MARCHF3: variants seen among roughly 807,000 people sequenced by gnomAD.
The protein encoded by MARCHF3 is E3 ubiquitin-protein ligase MARCHF3.
Under a neutral mutation model 24.2 loss-of-function variants are expected in MARCHF3, and 13 were observed. That is an observed-to-expected ratio of 0.54 (90% confidence interval 0.35 to 0.85). The LOEUF (loss-of-function observed/expected upper bound fraction) is 0.85. Among genes scored for constraint, MARCHF3 ranks in the 40% least tolerant of loss-of-function variants. The pLI, the probability that MARCHF3 is intolerant of heterozygous loss-of-function variation, is 0.01. For missense variants in MARCHF3, 276 were observed against 325.0 expected (o/e 0.85, Z 1.16); for synonymous variants, 144 against 137.3 (o/e 1.05, Z -0.34).
chr5:126,872,022 A>G (rs1243782749), intron 4 of MARCHF3, among the ~76,000 whole-genome samples: 1 of 146,428 alleles, frequency 6.8e-6, no homozygotes, highest in Non-Finnish European at 1.5e-5. Flanking sequence ...AACCTCTCAT[A>G]TAATACATGA....
chr5:126,902,671 T>TGA (rs1352430250), intron 3 of MARCHF3, among the ~76,000 whole-genome samples: 1 of 152,124 alleles, frequency 6.6e-6, no homozygotes, highest in African/African-American at 2.4e-5. Context: ...TTTAATGAAG[T>TGA]GATTTTTAAT....
intron 3 of MARCHF3, among the ~76,000 whole-genome samples, chr5:126,883,782 C>A (rs971908209): frequency 7.9e-5 from 12 of 152,162 alleles, no homozygotes; most frequent in African/African-American, 2.9e-4. Flanking sequence ...GCTTAAATCC[C>A]CAAGGTAGAC....
chr5:126,938,165 C>CTTTTTTT (rs527628656), intron 1 of MARCHF3, among the ~76,000 whole-genome samples: 4 of 122,912 alleles, frequency 3.3e-5, no homozygotes, highest in South Asian at 2.7e-4. Context: ...TGATCTGATT[C>CTTTTTTT]TTTTTTTTTT....
intron 1 of MARCHF3, among the ~76,000 whole-genome samples, chr5:126,946,577 G>A (rs1750018595): frequency 6.6e-6 from 1 of 151,946 alleles, no homozygotes; most frequent in African/African-American, 2.4e-5. Context: ...TGGGAGAAGG[G>A]GTCCTACCCC....
chr5:127,022,984 G>A (rs544782499), intron 1 of MARCHF3, among the ~76,000 whole-genome samples: 8 of 152,244 alleles, frequency 5.3e-5, no homozygotes, highest in African/African-American at 1.9e-4. Flanking sequence ...GCCTCTTCAG[G>A]TAGTTAGGCT....
At chr5:126,982,472 G>A (rs1372981770) in intron 1 of MARCHF3, among the ~76,000 whole-genome samples, 6 of 152,196 alleles carry the variant, frequency 3.9e-5, no homozygotes, top group Non-Finnish European at 8.8e-5. Context: ...CACTACTGGA[G>A]GGGAAGCTGA....
intron 1 of MARCHF3, among the ~76,000 whole-genome samples, chr5:126,929,633 T>C (rs1324183896): frequency 2.0e-5 from 3 of 152,226 alleles, no homozygotes; most frequent in Non-Finnish European, 4.4e-5. Flanking sequence ...CTTCAGAGTA[T>C]GGAATTGGTA....
At chr5:126,944,331 C>T (rs1749937028) in intron 1 of MARCHF3, among the ~76,000 whole-genome samples, 1 of 152,134 alleles carries the variant, frequency 6.6e-6, no homozygotes. Context: ...GGCACGGTGG[C>T]TCACGCCTGT....
intron 3 of MARCHF3, among the ~76,000 whole-genome samples, chr5:126,900,194 G>C (rs944577701): frequency 1.3e-5 from 2 of 151,850 alleles, no homozygotes; most frequent in South Asian, 2.1e-4. Flanking sequence ...AAGGCTTATC[G>C]GCAAAGAAAC....
chr5:126,916,374 C>T (rs1163224041), intron 2 of MARCHF3, among the ~76,000 whole-genome samples: 1 of 152,154 alleles, frequency 6.6e-6, no homozygotes, highest in Non-Finnish European at 1.5e-5. Context: ...AGGCACATGC[C>T]CATTCATCCT....
At chr5:126,911,796 T>C (rs181318686) in intron 3 of MARCHF3, among the ~76,000 whole-genome samples, 1 of 152,208 alleles carries the variant, frequency 6.6e-6, no homozygotes, top group East Asian at 1.9e-4. Context: ...GTAGGCAAGG[T>C]AGGTAAAGTA....
chr5:126,990,563 A>G (rs1364454905), intron 1 of MARCHF3, among the ~76,000 whole-genome samples: 1 of 152,240 alleles, frequency 6.6e-6, no homozygotes, highest in Non-Finnish European at 1.5e-5. Context: ...TAATTAAACT[A>G]AAGACCTTCT....
chr5:126,923,265 G>GTGA (rs1374107781), intron 1 of MARCHF3, among the ~76,000 whole-genome samples: 2 of 152,236 alleles, frequency 1.3e-5, no homozygotes, highest in African/African-American at 4.8e-5. Context: ...AATCCAGCAT[G>GTGA]TGATAAATAC....
At chr5:126,980,559 C>T (rs191265674) in intron 1 of MARCHF3, among the ~76,000 whole-genome samples, 12 of 152,194 alleles carry the variant, frequency 7.9e-5, no homozygotes, top group African/African-American at 2.9e-4. Context: ...TTAGTAGAGA[C>T]AGGGTTTCAC....
intron 1 of MARCHF3, among the ~76,000 whole-genome samples, chr5:126,972,578 C>T (rs565737217): frequency 1.9e-4 from 29 of 152,268 alleles, no homozygotes; most frequent in African/African-American, 6.3e-4. Context: ...GGTGTTGATG[C>T]CATTCATTAA....
intron 1 of MARCHF3, among the ~76,000 whole-genome samples, chr5:127,007,724 G>C (rs1246879406): frequency 6.6e-6 from 1 of 152,056 alleles, no homozygotes; most frequent in Non-Finnish European, 1.5e-5. Context: ...ATTTGTGCTA[G>C]CTTGCACAAA....
At chr5:126,899,168 C>CA in intron 3 of MARCHF3, 1 of 985,276 alleles carries the variant, frequency 1.0e-6, no homozygotes, top group Non-Finnish European at 1.2e-6. Flanking sequence ...AGTGGTGAGG[C>CA]ACGCCACAGA....
intron 3 of MARCHF3, among the ~76,000 whole-genome samples, chr5:126,888,406 A>T (rs1753567200): frequency 6.6e-6 from 1 of 152,240 alleles, no homozygotes; most frequent in African/African-American, 2.4e-5. Context: ...CAAATGCTAC[A>T]CACACTCACA....
intron 1 of MARCHF3, among the ~76,000 whole-genome samples, chr5:126,927,411 T>A (rs1418710583): frequency 1.5e-4 from 23 of 152,136 alleles, no homozygotes; most frequent in Non-Finnish European, 2.9e-5. Context: ...TTAGGGAACC[T>A]CTTTAGGGAA....
Sources: allele counts gnomAD v4.1 joint callset (sites outside exome capture counted in the v4.1 genomes callset), GRCh38; gene constraint gnomAD v4.1.1; transcripts MANE v1.5; gene names NCBI Gene and HGNC (gene_info 2026-07-23, HGNC 2026-07-21).